The following ADAMTS19 variants were observed in gnomAD, a reference collection of about 807,000 sequenced individuals.
ADAMTS19 encodes ADAM metallopeptidase with thrombospondin type 1 motif 19.
In ADAMTS19, 93 loss-of-function variants were observed where a neutral mutation model predicts 153.3. The observed-to-expected ratio is 0.61, with a 90% CI of 0.51 to 0.72. The LOEUF is 0.72. Among genes scored for constraint, ADAMTS19 ranks in the 30% least tolerant of loss-of-function variants. ADAMTS19 has a pLI of 0.00. For missense variants in ADAMTS19, 1,482 were observed against 1,552.1 expected (o/e 0.95, Z 0.76); for synonymous variants, 600 against 556.6 (o/e 1.08, Z -1.10).
chr5:129,563,238 C>A (rs142913341), intron 7 of ADAMTS19, among the ~76,000 whole-genome samples: 1 of 151,872 alleles, frequency 6.6e-6, no homozygotes, highest in East Asian at 1.9e-4. Context: ...TATAGCACCT[C>A]AACCATAGAG....
intron 8 of ADAMTS19, among the ~76,000 whole-genome samples, chr5:129,598,865 T>A (rs1750510035): frequency 6.6e-6 from 1 of 152,198 alleles, no homozygotes; most frequent in Admixed American, 6.5e-5. Flanking sequence ...GTTGGTCTTG[T>A]GGAACTCACT....
At chr5:129,629,569 G>A (rs1216999762) in intron 10 of ADAMTS19, among the ~76,000 whole-genome samples, 1 of 151,992 alleles carries the variant, frequency 6.6e-6, no homozygotes, top group African/African-American at 2.4e-5. Flanking sequence ...ATTGCATAAT[G>A]CTGATCTAAT....
At chr5:129,623,370 C>T (rs1399391520) in intron 10 of ADAMTS19, among the ~76,000 whole-genome samples, 1 of 152,020 alleles carries the variant, frequency 6.6e-6, no homozygotes, top group Non-Finnish European at 1.5e-5. Flanking sequence ...CTCGCCTCTT[C>T]CTAACACACA....
chr5:129,469,414 T>C (rs1749987148), intron 2 of ADAMTS19, among the ~76,000 whole-genome samples: 1 of 152,178 alleles, frequency 6.6e-6, no homozygotes, highest in Non-Finnish European at 1.5e-5. Context: ...GTGGACATAA[T>C]TGGGGAACAT....
intron 7 of ADAMTS19, among the ~76,000 whole-genome samples, chr5:129,565,563 G>A (rs74417744): frequency 6.6e-6 from 1 of 151,998 alleles, no homozygotes; most frequent in African/African-American, 2.4e-5. Context: ...GTTTGTGTTA[G>A]GTGCTAGATG....
chr5:129,660,921 G>C (rs1486814366), intron 15 of ADAMTS19, among the ~76,000 whole-genome samples: 2 of 151,972 alleles, frequency 1.3e-5, no homozygotes, highest in Non-Finnish European at 2.9e-5. Flanking sequence ...CCTTCTCTAA[G>C]TTCTTACAGG....
intron 10 of ADAMTS19, among the ~76,000 whole-genome samples, chr5:129,639,422 C>T (rs1752695328): frequency 6.6e-6 from 1 of 151,962 alleles, no homozygotes; most frequent in African/African-American, 2.4e-5. Flanking sequence ...ATTTATTTAC[C>T]ATAAGATCCC....
chr5:129,718,893 TTCTTACAGAGGC>T (rs1756849038), intron 21 of ADAMTS19, among the ~76,000 whole-genome samples: 2 of 152,182 alleles, frequency 1.3e-5, no homozygotes, highest in South Asian at 4.1e-4. Flanking sequence ...GAATTCCTAT[TTCTTACAGAGGC>T]CAGCTGGAAA....
In ADAMTS19 at chr5:129,528,704, G is replaced by A. The variant is rs59557937; in HGVS notation, c.1328+27G>A. ...TAAATTTTCCAATGCCAATTAAATG[G>A]CATTCCTAATTCAATCACTGCACTG... On this transcript the variant is annotated intron_variant, in intron 6 of 22. Coordinates refer to ENST00000274487, the MANE Select transcript of ADAMTS19 (RefSeq NM_133638.6). 9.7e-4 allele frequency: 1,514 copies of A among 1,563,664 alleles called. 15 individuals are homozygous for A. In the African/African-American group the frequency reaches 0.015, roughly 16 times the overall value.
At chr5:129,724,693 G>A (rs553225671) in intron 21 of ADAMTS19, among the ~76,000 whole-genome samples, 18 of 152,172 alleles carry the variant, frequency 1.2e-4, no homozygotes, top group African/African-American at 4.1e-4. Flanking sequence ...GGACTCCGGA[G>A]TGTGTCTTCT....
In ADAMTS19 at chr5:129,641,888, G is replaced by T. The variant is rs1752803779; in HGVS notation, c.1800G>T (p.Lys600Asn). 1 of 1,602,276 alleles carries T rather than the reference G, an allele frequency of 6.2e-7. No individual in the cohort carries two copies. Among genetic ancestry groups the T allele is most frequent in the Admixed American group, 1.7e-5 (1 of 59,234 alleles). ...QHVICTGLWC[K>N]VEGEKECRTK... ...TTATTTGCACAGGATTATGGTGCAAGGTAGAAGGTGAGAAAGAATGCAGAA... is the reference window on the plus strand; with the variant it reads ...TTATTTGCACAGGATTATGGTGCAATGTAGAAGGTGAGAAAGAATGCAGAA... The change falls in exon 11 of 23, where the codon AAG becomes AAT. Residue 600 changes from lysine to asparagine, a missense_variant. Transcript: ENST00000274487.
At chr5:129,591,841 T>C (rs1750148533) in intron 7 of ADAMTS19, among the ~76,000 whole-genome samples, 1 of 152,128 alleles carries the variant, frequency 6.6e-6, no homozygotes, top group South Asian at 2.1e-4. Context: ...ACTTAACTTT[T>C]GTTAGAATGC....
chr5:129,627,902 A>AG (rs1752123714), intron 10 of ADAMTS19, among the ~76,000 whole-genome samples: 1 of 151,806 alleles, frequency 6.6e-6, no homozygotes, highest in South Asian at 2.1e-4. Flanking sequence ...AAAGAGCTAA[A>AG]AAAAAAACTA....
intron 2 of ADAMTS19, among the ~76,000 whole-genome samples, chr5:129,477,305 G>T (rs1750257781): frequency 1.3e-5 from 2 of 152,120 alleles, no homozygotes; most frequent in South Asian, 4.1e-4. Flanking sequence ...TAAAGAAATA[G>T]ATTTCATTAC....
At chr5:129,701,321 G>A in intron 19 of ADAMTS19, 67 bp from the exon 20 acceptor site, 1 of 1,549,022 alleles carries the variant, frequency 6.5e-7, no homozygotes, top group Non-Finnish European at 8.9e-7. Flanking sequence ...AGCAGTGTGA[G>A]AACAGACTAA....
At chr5:129,573,401 C>G (rs1169031350) in intron 7 of ADAMTS19, among the ~76,000 whole-genome samples, 2 of 151,952 alleles carry the variant, frequency 1.3e-5, no homozygotes, top group South Asian at 4.1e-4. Context: ...CTCAGCCGAC[C>G]ACGCATCACA....
At position 129,529,267 on chromosome 5, in the gene ADAMTS19, T is replaced by C. The variant is rs17701184; in HGVS notation, c.1328+590T>C. ...ATACATAATTTGTCTTGCTTAAAGC[T>C]GGTAAAAATAAGTAATTCATTGTGA... is the stretch of plus-strand genomic sequence containing the variant. On this transcript the variant is annotated intron_variant, in intron 6 of 22. Coordinates refer to ENST00000274487, the MANE Select transcript of ADAMTS19 (RefSeq NM_133638.6). Among the ~76,000 whole-genome samples, 1,252 of 152,248 alleles carry C rather than the reference T, an allele frequency of 8.2e-3. 43 individuals carry two copies. In the East Asian group the frequency reaches 0.11, roughly 13 times the overall value.
chr5:129,608,116 G>GTTTATATATATATATATATATATATA (rs377008786), intron 8 of ADAMTS19, among the ~76,000 whole-genome samples: 1 of 47,928 alleles, frequency 2.1e-5, no homozygotes, highest in East Asian at 5.8e-4. Context: ...GTGTGTGTGT[G>GTTTATATATATATATATATATATATA]TATATATATA....
chr5:129,535,004 A>C (rs1752360395), intron 6 of ADAMTS19, among the ~76,000 whole-genome samples: 1 of 152,346 alleles, frequency 6.6e-6, no homozygotes, highest in African/African-American at 2.4e-5. Flanking sequence ...AAACTGGCAC[A>C]AGACAGGGAT....
Sources: allele counts gnomAD v4.1 joint callset (sites outside exome capture counted in the v4.1 genomes callset), GRCh38; gene constraint gnomAD v4.1.1; transcripts MANE v1.5; gene names NCBI Gene and HGNC (gene_info 2026-07-23, HGNC 2026-07-21).